PPP1R9A: variants seen among roughly 807,000 people sequenced by gnomAD.
PPP1R9A encodes the protein neurabin-1.
A neutral mutation model predicts 141.9 loss-of-function variants in PPP1R9A; 59 were observed. The ratio of observed to expected loss-of-function variants is 0.42; its 90% confidence interval spans 0.34 to 0.52. The LOEUF is 0.52. Among genes scored for constraint, PPP1R9A ranks in the 20% least tolerant of loss-of-function variants. The pLI, the probability that PPP1R9A is intolerant of heterozygous loss-of-function variation, is 0.10. For missense variants in PPP1R9A, 1,444 were observed against 1,611.9 expected (o/e 0.90, Z 1.78); for synonymous variants, 500 against 569.7 (o/e 0.88, Z 1.74).
chr7:95,161,468 C>A (rs866466368), intron 4 of PPP1R9A, among the ~76,000 whole-genome samples: 3 of 152,124 alleles, frequency 2.0e-5, no homozygotes, highest in Admixed American at 6.6e-5. Context: ...TCAGTGGATA[C>A]CAAAATCTGC....
intron 2 of PPP1R9A, among the ~76,000 whole-genome samples, chr7:94,948,062 G>C (rs866756871): frequency 6.6e-6 from 1 of 152,036 alleles, no homozygotes; most frequent in Non-Finnish European, 1.5e-5. Context: ...TCCTGATGTC[G>C]TGTTCTCCTT....
At chr7:95,025,384 A>T (rs1806676909) in intron 2 of PPP1R9A, among the ~76,000 whole-genome samples, 3 of 152,150 alleles carry the variant, frequency 2.0e-5, no homozygotes, top group African/African-American at 7.2e-5. Flanking sequence ...TTCTTTAAGA[A>T]TGTTGAATAT....
intron 7 of PPP1R9A, among the ~76,000 whole-genome samples, chr7:95,210,355 T>A (rs73221984): frequency 0.072 from 10,949 of 152,086 alleles, 572 homozygotes; most frequent in Non-Finnish European, 0.11. Context: ...GCATAAAAAA[T>A]AAAAATTAAT....
chr7:94,936,726 A>C (rs2150901632), intron 2 of PPP1R9A, among the ~76,000 whole-genome samples: 1 of 152,028 alleles, frequency 6.6e-6, no homozygotes, highest in Non-Finnish European at 1.5e-5. Context: ...CTAACAACTT[A>C]AATAATTAAG....
intron 2 of PPP1R9A, among the ~76,000 whole-genome samples, chr7:95,101,257 A>G (rs1178094722): frequency 6.6e-6 from 1 of 152,238 alleles, no homozygotes; most frequent in African/African-American, 2.4e-5. Flanking sequence ...AAACCAAGAC[A>G]GGATCTTTGC....
chr7:95,070,593 G>GTATATATATATATATATGTATA (rs1813639931), intron 2 of PPP1R9A, among the ~76,000 whole-genome samples: 1 of 111,938 alleles, frequency 8.9e-6, no homozygotes, highest in African/African-American at 3.6e-5. Context: ...TAAATCTCTG[G>GTATATATATATATATATGTATA]TATATATATA....
At chr7:94,976,672 G>A (rs1475780676) in intron 2 of PPP1R9A, among the ~76,000 whole-genome samples, 1 of 152,174 alleles carries the variant, frequency 6.6e-6, no homozygotes. Context: ...TTAAATAAAA[G>A]AGGTTCTTTT....
chr7:95,011,411 AT>A lies in PPP1R9A; in HGVS notation c.1396-99844del, dbSNP rs35506852. Reference sequence around the variant, plus strand: ...AATAATGATGCTATTTACTTTTGTGATTTTCTTCAAACTGAACAATCAAGTT... The same window carrying A: ...AATAATGATGCTATTTACTTTTGTGATTTCTTCAAACTGAACAATCAAGTT... On this transcript the variant is annotated intron_variant, in intron 2 of 19. Transcript: ENST00000433360. 6.1e-3 allele frequency among the ~76,000 whole-genome samples: 921 copies of A among 152,192 alleles called. 10 individuals carry two copies. The highest frequency in any genetic ancestry group is 0.021 in the African/African-American group (858 of 41,536).
At chr7:95,158,715 A>G (rs998553569) in intron 4 of PPP1R9A, among the ~76,000 whole-genome samples, 3 of 152,242 alleles carry the variant, frequency 2.0e-5, no homozygotes, top group African/African-American at 7.2e-5. Context: ...TCCAAGATAT[A>G]TAAAGATATC....
At chr7:95,146,961 G>A (rs544178010) in intron 4 of PPP1R9A, among the ~76,000 whole-genome samples, 14 of 152,228 alleles carry the variant, frequency 9.2e-5, no homozygotes, top group African/African-American at 3.4e-4. Flanking sequence ...TTTTGCTTAG[G>A]ATTATCTTGG....
intron 5 of PPP1R9A, among the ~76,000 whole-genome samples, chr7:95,162,635 T>C (rs1431174543): frequency 6.6e-6 from 1 of 152,230 alleles, no homozygotes; most frequent in African/African-American, 2.4e-5. Context: ...TTATATCATA[T>C]ACTTTTCCAT....
chr7:95,066,271 C>T (rs185233859), intron 2 of PPP1R9A, among the ~76,000 whole-genome samples: 1 of 152,288 alleles, frequency 6.6e-6, no homozygotes, highest in African/African-American at 2.4e-5. Context: ...AGAAACCTAC[C>T]CTGCCAACAC....
chr7:95,091,698 T>C (rs1817369540), intron 2 of PPP1R9A, among the ~76,000 whole-genome samples: 1 of 151,916 alleles, frequency 6.6e-6, no homozygotes, highest in Non-Finnish European at 1.5e-5. Context: ...ATTTCTTTAG[T>C]TACTAGTAAG....
chr7:95,064,160 T>C (rs1812638514), intron 2 of PPP1R9A, among the ~76,000 whole-genome samples: 1 of 152,224 alleles, frequency 6.6e-6, no homozygotes, highest in South Asian at 2.1e-4. Flanking sequence ...CATTGTTGTT[T>C]GCAAAATATG....
At chr7:95,069,592 T>C (rs1813473778) in intron 2 of PPP1R9A, among the ~76,000 whole-genome samples, 1 of 152,108 alleles carries the variant, frequency 6.6e-6, no homozygotes, top group Non-Finnish European at 1.5e-5. Flanking sequence ...ACCATTGTAT[T>C]TGTTTGCAGT....
In PPP1R9A at chr7:95,252,033, C is replaced by A; in HGVS notation, c.2568C>A (p.Ile856=). 6.2e-7 allele frequency: 1 copy of A among 1,613,490 alleles called. No homozygotes were observed. Among genetic ancestry groups the A allele is most frequent in the Non-Finnish European group, 8.5e-7 (1 of 1,179,826 alleles). The change falls in exon 12 of 20, where the codon ATC becomes ATA. Residue 856 remains isoleucine (I), a synonymous_variant. Coordinates refer to ENST00000433360, the MANE Select transcript of PPP1R9A (RefSeq NM_001166160.2). Reference sequence around the variant, plus strand: ...CTCAAGTTAACAATAATAACAACATCTTTGAGAGAAGAACATCTCTTGGTG... The same window carrying A: ...CTCAAGTTAACAATAATAACAACATATTTGAGAGAAGAACATCTCTTGGTG... ...NGTQVNNNNN[I]FERRTSLGEV...
At chr7:95,149,608 CAT>C (rs1327291816) in intron 4 of PPP1R9A, among the ~76,000 whole-genome samples, 2 of 151,796 alleles carry the variant, frequency 1.3e-5, no homozygotes, top group African/African-American at 4.8e-5. Flanking sequence ...AAATTAAAAA[CAT>C]ATTAAAATTC....
chr7:95,097,408 C>G (rs1294526721), intron 2 of PPP1R9A, among the ~76,000 whole-genome samples: 2 of 131,794 alleles, frequency 1.5e-5, no homozygotes. Flanking sequence ...ATCAATGGCT[C>G]AAAAGAGAGA....
intron 2 of PPP1R9A, among the ~76,000 whole-genome samples, chr7:94,954,319 T>C (rs1796829508): frequency 6.6e-6 from 1 of 152,052 alleles, no homozygotes; most frequent in Non-Finnish European, 1.5e-5. Context: ...ATTTTTTTAC[T>C]GACAGTTTTT....
Sources: gnomAD v4.1 joint callset for allele counts (sites outside exome capture counted in the v4.1 genomes callset) on GRCh38, gnomAD v4.1.1 for gene constraint, MANE v1.5 for transcripts, NCBI Gene and HGNC (gene_info 2026-07-23, HGNC 2026-07-21) for gene names.